Variants in EYS observed in about 807,000 individuals in gnomAD.
EYS encodes the protein EGF-like photoreceptor maintenance factor, also known as protein eyes shut homolog.
Under a neutral mutation model 282.1 loss-of-function variants are expected in EYS, and 250 were observed. That is an observed-to-expected ratio of 0.89 (90% CI 0.80 to 0.98). EYS has a LOEUF of 0.98. Among genes scored for constraint, EYS ranks in the 50% least tolerant of loss-of-function variants. The probability of loss-of-function intolerance (pLI) is 0.00; values close to 1 mark genes in which losing one functional copy is unlikely to be tolerated. For missense variants in EYS, 4,016 were observed against 3,709.0 expected, an observed-to-expected ratio of 1.08 and a Z score of -2.15; for synonymous variants, 1,355 against 1,282.9, an observed-to-expected ratio of 1.06 and a Z score of -1.20.
intron 2 of EYS, among the ~76,000 whole-genome samples, chr6:65,632,979 T>C (rs1766969002): frequency 6.6e-6 from 1 of 152,144 alleles, no homozygotes; most frequent in African/African-American, 2.4e-5. Flanking sequence ...AATAAAAGCC[T>C]CAATGTTACA....
At chr6:64,694,826 T>A (rs542267596) in intron 22 of EYS, among the ~76,000 whole-genome samples, 34 of 152,078 alleles carry the variant, frequency 2.2e-4, no homozygotes, top group Admixed American at 1.4e-3. Context: ...GGCAGCAAAT[T>A]TTTTGGCCTG....
chr6:65,594,139 CATTATT>C (rs920492357), intron 2 of EYS, among the ~76,000 whole-genome samples: 1 of 151,804 alleles, frequency 6.6e-6, no homozygotes, highest in Non-Finnish European at 1.5e-5. Flanking sequence ...TCATTATGAT[CATTATT>C]ATTATTATTT....
chr6:63,811,808 T>A (rs1771053620), intron 36 of EYS, among the ~76,000 whole-genome samples: 3 of 152,174 alleles, frequency 2.0e-5, no homozygotes, highest in Admixed American at 1.3e-4. Context: ...TCCCTCTCTT[T>A]GCTCAGAGCA....
intron 12 of EYS, among the ~76,000 whole-genome samples, chr6:65,171,138 T>C (rs930045809): frequency 2.6e-5 from 4 of 151,688 alleles, no homozygotes; most frequent in South Asian, 2.1e-4. Flanking sequence ...TAAATAGTTA[T>C]AGGCAGCTTT....
intron 35 of EYS, among the ~76,000 whole-genome samples, chr6:63,934,052 T>G (rs992795181): frequency 6.6e-6 from 1 of 152,022 alleles, no homozygotes; most frequent in Non-Finnish European, 1.5e-5. Flanking sequence ...CAAACAAATT[T>G]ACAAGAAAAA....
intron 35 of EYS, among the ~76,000 whole-genome samples, chr6:63,883,458 C>T (rs1482461): frequency 0.36 from 55,388 of 151,914 alleles, 10,516 homozygotes; most frequent in South Asian, 0.47. Flanking sequence ...CAATGCCCCA[C>T]GGGGGAAACT....
At chr6:64,373,429 G>T (rs1772455048) in intron 29 of EYS, among the ~76,000 whole-genome samples, 1 of 152,166 alleles carries the variant, frequency 6.6e-6, no homozygotes, top group East Asian at 1.9e-4. Flanking sequence ...AAGCTGTATT[G>T]TCAGGTTGGC....
At chr6:64,063,790 G>A (rs1327800838) in intron 33 of EYS, among the ~76,000 whole-genome samples, 1 of 152,004 alleles carries the variant, frequency 6.6e-6, no homozygotes, top group African/African-American at 2.4e-5. Flanking sequence ...TGCAGTGGCA[G>A]GATCTCGGCT....
At chr6:64,971,806 A>G (rs1770304898) in intron 14 of EYS, among the ~76,000 whole-genome samples, 1 of 152,156 alleles carries the variant, frequency 6.6e-6, no homozygotes, top group Non-Finnish European at 1.5e-5. Flanking sequence ...GAATCCCGAT[A>G]GAGAGAACAT....
chr6:64,704,385 G>A (rs1170579196), intron 22 of EYS, among the ~76,000 whole-genome samples: 4 of 144,270 alleles, frequency 2.8e-5, no homozygotes, highest in East Asian at 2.0e-4. Context: ...CAATAAAATT[G>A]TATCTAGTTG....
At chr6:64,962,302 T>G (rs563375809) in intron 14 of EYS, among the ~76,000 whole-genome samples, 159 of 74,736 alleles carry the variant, frequency 2.1e-3, no homozygotes, top group Non-Finnish European at 6.0e-3. Context: ...ATTTTAAACT[T>G]TATTTATCTA....
At chr6:65,448,673 A>G (rs1021591404) in intron 5 of EYS, among the ~76,000 whole-genome samples, 1 of 151,976 alleles carries the variant, frequency 6.6e-6, no homozygotes, top group African/African-American at 2.4e-5. Flanking sequence ...ACTGCTTTAT[A>G]AAGCTCTTAC....
chr6:65,238,837 A>G (rs937882273), intron 12 of EYS, among the ~76,000 whole-genome samples: 12 of 146,902 alleles, frequency 8.2e-5, no homozygotes, highest in Non-Finnish European at 1.8e-4. Flanking sequence ...ATACCAATAA[A>G]TAAAACACCC....
intron 26 of EYS, among the ~76,000 whole-genome samples, chr6:64,584,075 C>T (rs891714846): frequency 4.0e-5 from 6 of 151,758 alleles, no homozygotes; most frequent in Admixed American, 3.9e-4. Flanking sequence ...TTATTTTAAT[C>T]TAACATGAAT....
intron 5 of EYS, among the ~76,000 whole-genome samples, chr6:65,481,789 C>T (rs1765615239): frequency 6.6e-6 from 1 of 152,004 alleles, no homozygotes; most frequent in Non-Finnish European, 1.5e-5. Context: ...CCAGGATGGT[C>T]TCGATCTCCT....
At chr6:65,463,285 C>T (rs1473287781) in intron 5 of EYS, among the ~76,000 whole-genome samples, 1 of 152,084 alleles carries the variant, frequency 6.6e-6, no homozygotes, top group East Asian at 1.9e-4. Context: ...TTGTCTACAA[C>T]TTTATTTCCC....
At chr6:63,882,584 TTTTGCATTGAG>T (rs1409649656) in intron 35 of EYS, among the ~76,000 whole-genome samples, 1 of 152,222 alleles carries the variant, frequency 6.6e-6, no homozygotes, top group Non-Finnish European at 1.5e-5. Context: ...TATCATCCCG[TTTTGCATTGAG>T]TTTGCAATCT....
intron 2 of EYS, among the ~76,000 whole-genome samples, chr6:65,612,050 C>T (rs1048463379): frequency 7.9e-5 from 12 of 151,728 alleles, no homozygotes; most frequent in Admixed American, 2.6e-4. Flanking sequence ...AACAATTTCA[C>T]TAGCAAAGTC....
intron 22 of EYS, among the ~76,000 whole-genome samples, 158 bp downstream of exon 22, chr6:64,813,220 A>G (rs1764648132): frequency 6.6e-6 from 1 of 152,072 alleles, no homozygotes; most frequent in Non-Finnish European, 1.5e-5. Context: ...AAACAATGAC[A>G]TTTTGTAATT....
Sources: allele counts gnomAD v4.1 joint callset (sites outside exome capture counted in the v4.1 genomes callset), GRCh38; gene constraint gnomAD v4.1.1; transcripts MANE v1.5; gene names NCBI Gene and HGNC (gene_info 2026-07-23, HGNC 2026-07-21).